Variants in ZW10 observed in about 807,000 individuals in gnomAD.
ZW10 encodes zw10 kinetochore protein, also known as centromere/kinetochore protein zw10 homolog.
ZW10 carries 53 observed loss-of-function variants against 87.8 expected under a neutral mutation model. That is an observed-to-expected ratio of 0.60 (90% CI 0.48 to 0.76). The LOEUF (loss-of-function observed/expected upper bound fraction) is 0.76, where lower values mean the gene tolerates loss of function less well. Ranked by LOEUF, ZW10 falls within the 30% of genes least tolerant of loss-of-function variation. ZW10 has a pLI of 0.00. For missense variants in ZW10, 837 were observed against 923.0 expected, an observed-to-expected ratio of 0.91 and a Z score of 1.21; for synonymous variants, 312 against 329.2, an observed-to-expected ratio of 0.95 and a Z score of 0.57.
At chr11:113,748,562 G>T (rs1591414118) in intron 7 of ZW10, 142 bp from the exon 8 acceptor site, 2 of 628,886 alleles carry the variant, frequency 3.2e-6, no homozygotes, top group African/African-American at 1.8e-5. Flanking sequence ...CAACTGCGTG[G>T]GACAAATCAT....
chr11:113,765,315 T>G (rs1953899162), intron 2 of ZW10, among the ~76,000 whole-genome samples: 1 of 152,198 alleles, frequency 6.6e-6, no homozygotes, highest in Non-Finnish European at 1.5e-5. Context: ...TCCACTAAAA[T>G]CCATTCTCCT....
At position 113,773,549 on chromosome 11, in the gene ZW10, G is replaced by GC; in HGVS notation, c.105+12dup. 6.2e-7 allele frequency: 1 copy of GC among 1,609,282 alleles called. No individual in the cohort carries two copies. Among genetic ancestry groups the GC allele is most frequent in the Non-Finnish European group, 8.5e-7 (1 of 1,178,008 alleles). ...GTCCCCTTCCAGTCAGCAGACAGCT[G>GC]CCCCGCTCTCACCTTGATCTCCTCC... On this transcript the variant is annotated intron_variant, in intron 1 of 15. Transcript: ENST00000200135.
chr11:113,733,602 C>G lies in ZW10; in HGVS notation c.*92G>C. 1.3e-6 allele frequency: 2 copies of G among 1,576,284 alleles called. No individual in the cohort carries two copies. Among genetic ancestry groups the G allele is most frequent in the Non-Finnish European group, 1.7e-6 (2 of 1,155,326 alleles). ...TCCAAGATGTACTGGTTCACCAAAA[C>G]CAATGGGCGATTCAAAGAAGTCTTT... On this transcript the variant is annotated 3_prime_UTR_variant, in exon 16 of 16. Transcript: ENST00000200135.
At chr11:113,751,116 T>A (rs1024267021) in intron 7 of ZW10, 3 of 210,616 alleles carry the variant, frequency 1.4e-5, no homozygotes, top group African/African-American at 6.9e-5. Context: ...GGAAGATCAC[T>A]TAGTCCAACT....
rs1937671229 is a variant in ZW10, at chr11:113,773,661, G to C, written c.6C>G (p.Ala2=). ...GTGCCAAAACTTCTGTCACGAACGA[G>C]GCCATGGCCAAGACGGGAACCAACG... M[A]SFVTEVLAHS... is the part of the protein sequence containing the mutation. The change falls in exon 1 of 16, where the codon GCC becomes GCG. Residue 2 remains alanine (A), a synonymous_variant. Transcript: ENST00000200135. 6.2e-7 allele frequency: 1 copy of C among 1,612,868 alleles called. No homozygotes were observed. Among genetic ancestry groups the C allele is most frequent in the Admixed American group, 1.7e-5 (1 of 59,890 alleles).
At chr11:113,759,388 T>TACACATATGCACATATGTGTCTATGTAC (rs1380952791) in intron 5 of ZW10, among the ~76,000 whole-genome samples, 5 of 152,244 alleles carry the variant, frequency 3.3e-5, no homozygotes, top group African/African-American at 9.6e-5. Context: ...CTGACACACA[T>TACACATATGCACATATGTGTCTATGTAC]ACACATATGC....
At chr11:113,769,071 C>T (rs916757671) in intron 1 of ZW10, 104 bp from the exon 2 acceptor site, 2 of 1,228,606 alleles carry the variant, frequency 1.6e-6, no homozygotes, top group East Asian at 4.8e-5. Context: ...TTAGAACCTT[C>T]TTGCCAATTG....
At chr11:113,736,924 TACA>T (rs1953560356) in intron 14 of ZW10, 102 bp from the exon 15 acceptor site, 1 of 1,066,968 alleles carries the variant, frequency 9.4e-7, no homozygotes, top group Non-Finnish European at 1.4e-6. Flanking sequence ...GTGGGTCAGC[TACA>T]ACATGTTTTC....
chr11:113,741,804 A>G (rs2134870001), intron 10 of ZW10, 39 bp from the exon 11 acceptor site: 2 of 1,472,542 alleles, frequency 1.4e-6, no homozygotes, highest in Middle Eastern at 1.8e-4. Flanking sequence ...ATGCCTAAGA[A>G]TACACTAAAA....
chr11:113,758,508 G>A (rs1303486490), intron 6 of ZW10, 46 bp downstream of exon 6: 2 of 1,584,450 alleles, frequency 1.3e-6, no homozygotes, highest in Non-Finnish European at 1.7e-6. Flanking sequence ...TTTAATACTG[G>A]GCCTCAGGAG....
intron 7 of ZW10, among the ~76,000 whole-genome samples, chr11:113,750,367 G>C (rs1028535382): frequency 5.9e-5 from 9 of 151,466 alleles, no homozygotes; most frequent in African/African-American, 1.9e-4. Context: ...GCAATGGCGC[G>C]ATCTTGGCTC....
At chr11:113,753,211 T>C (rs1953751409) in intron 7 of ZW10, among the ~76,000 whole-genome samples, 2 of 152,090 alleles carry the variant, frequency 1.3e-5, no homozygotes, top group Admixed American at 1.3e-4. Context: ...CCAGTGTGTG[T>C]TGTCCCCAAT....
Position 113,772,247 on chromosome 11 carries a change from C to G in ZW10, c.105+1315G>C, listed in dbSNP as rs542146092. 5.3e-5 allele frequency among the ~76,000 whole-genome samples: 8 copies of G among 152,228 alleles called. No homozygotes were observed. The East Asian group carries it at 1.5e-3, about 29-fold the overall frequency. ...GAAAGCAAAGAAAGGCATGTTGGGT[C>G]CAGAACACGCAGGAGCTAGGGTCGC... On this transcript the variant is annotated intron_variant, in intron 1 of 15. Coordinates refer to ENST00000200135, the MANE Select transcript of ZW10 (RefSeq NM_004724.4).
At position 113,760,341 on chromosome 11, in the gene ZW10, A is replaced by G. The variant is rs752171272; in HGVS notation, c.448T>C (p.Ser150Pro). ...EAQKCLKLLKSRKCFDLKILK... is the reference protein window; with the variant it reads ...EAQKCLKLLKPRKCFDLKILK... The stretch of plus-strand genomic sequence containing the variant: ...ATTTTTAAATCAAAGCATTTTCTGG[A>G]TTTTAATAACTTCAAGCATTTCTGT... Residue 150 changes from serine (S) to proline (P), a missense_variant, in exon 5 of 16, where the codon TCC becomes CCC. By Grantham distance (74) the Ser-to-Pro change is moderately conservative (BLOSUM62 -1). Transcript: ENST00000200135. 1 of 1,613,910 alleles carries G rather than the reference A, an allele frequency of 6.2e-7. No individual in the cohort carries two copies. Among genetic ancestry groups the G allele is most frequent in the South Asian group, 1.1e-5 (1 of 91,072 alleles).
At chr11:113,746,514 A>C (rs1953678487) in intron 9 of ZW10, among the ~76,000 whole-genome samples, 2 of 132,986 alleles carry the variant, frequency 1.5e-5, no homozygotes, top group South Asian at 5.1e-4. Flanking sequence ...AAAAAAAAAA[A>C]ACAACAACAA....
intron 7 of ZW10, among the ~76,000 whole-genome samples, chr11:113,754,355 C>T (rs1201375682): frequency 6.6e-6 from 1 of 152,022 alleles, no homozygotes; most frequent in African/African-American, 2.4e-5. Context: ...CATGGTAGTG[C>T]AGGCCTGTAA....
chr11:113,743,929 C>G lies in ZW10; in HGVS notation c.1384G>C (p.Glu462Gln), dbSNP rs745380788. 30 of 1,614,072 alleles carry G rather than the reference C, an allele frequency of 1.9e-5. No homozygotes were observed. The highest frequency in any genetic ancestry group is 1.9e-5 in the Non-Finnish European group (23 of 1,180,032). Residue 462 changes from glutamate to glutamine, a missense_variant, in exon 10 of 16, where the codon GAG (glutamate) becomes CAG (glutamine). By Grantham distance (29) the Glu-to-Gln change is conservative. Coordinates refer to ENST00000200135, the MANE Select transcript of ZW10 (RefSeq NM_004724.4). ...TGTTGGTCCAATGTATTTTCAGGCT[C>G]TAAATTCATCACTTCGTGGTACTGA... Reference protein sequence around the residue: ...NTQYHEVMNLEPENTLDQHSF... With the variant: ...NTQYHEVMNLQPENTLDQHSF...
At chr11:113,762,526 C>CT (rs760102411) in intron 2 of ZW10, among the ~76,000 whole-genome samples, 345 of 146,548 alleles carry the variant, frequency 2.4e-3, no homozygotes, top group Middle Eastern at 3.6e-3. Context: ...AACTTATTAA[C>CT]TTTTTTTTTT....
At chr11:113,760,398 A>T (rs746471270) in intron 4 of ZW10, 30 bp from the exon 5 acceptor site, 1 of 1,611,816 alleles carries the variant, frequency 6.2e-7, no homozygotes, top group South Asian at 1.1e-5. Context: ...ACTGTTAAAC[A>T]TTCCATCTGG....
Sources: gnomAD v4.1 joint callset for allele counts (sites outside exome capture counted in the v4.1 genomes callset) on GRCh38, gnomAD v4.1.1 for gene constraint, MANE v1.5 for transcripts, NCBI Gene and HGNC (gene_info 2026-07-23, HGNC 2026-07-21) for gene names.